Variants in SEMA6D observed in about 807,000 individuals in gnomAD.
SEMA6D encodes the protein semaphorin-6D.
In SEMA6D, 35 loss-of-function variants were observed where a neutral mutation model predicts 106.6. The observed-to-expected ratio is 0.33, with a 90% CI of 0.25 to 0.44. The LOEUF is 0.44. Among genes scored for constraint, SEMA6D ranks in the 20% least tolerant of loss-of-function variants. The pLI is 1.00. For missense variants in SEMA6D, 1,185 were observed against 1,345.9 expected (o/e 0.88, Z 1.87); for synonymous variants, 499 against 487.7 (o/e 1.02, Z -0.31).
At chr15:47,431,098 T>A (rs2041506904) in intron 2 of SEMA6D, among the ~76,000 whole-genome samples, 1 of 152,074 alleles carries the variant, frequency 6.6e-6, no homozygotes, top group Non-Finnish European at 1.5e-5. Flanking sequence ...TGAAATAAAT[T>A]TTTACTTTTG....
At chr15:47,343,654 C>T (rs1469025568) in intron 1 of SEMA6D, among the ~76,000 whole-genome samples, 1 of 152,098 alleles carries the variant, frequency 6.6e-6, no homozygotes, top group Non-Finnish European at 1.5e-5. Context: ...TCCAGTCTAT[C>T]ATTGTGGGAT....
chr15:47,498,033 G>A (rs1178971669), intron 3 of SEMA6D, among the ~76,000 whole-genome samples: 4 of 152,074 alleles, frequency 2.6e-5, no homozygotes. Flanking sequence ...TTCTCTTAAA[G>A]CATGGTTCCA....
chr15:47,277,746 A>G lies in SEMA6D; in HGVS notation c.-239+93328A>G, dbSNP rs916487567. ...CATCTAGCATTAGGTATATCTCCCA[A>G]TGCTATTCCTCCCCCCTCCCCACAC... On this transcript the variant is annotated intron_variant, in intron 1 of 19. Transcript: ENST00000558014. Among the ~76,000 whole-genome samples, 8 of 151,804 alleles carry G rather than the reference A, an allele frequency of 5.3e-5. No homozygotes were observed. The East Asian group carries it at 9.7e-4, about 18-fold the overall frequency.
chr15:47,649,260 C>G (rs1036267999), intron 4 of SEMA6D, among the ~76,000 whole-genome samples: 1 of 152,094 alleles, frequency 6.6e-6, no homozygotes, highest in Non-Finnish European at 1.5e-5. Flanking sequence ...AGAGACGCAT[C>G]TCAGATACAT....
At chr15:47,439,671 T>C (rs1458949325) in intron 2 of SEMA6D, among the ~76,000 whole-genome samples, 1 of 152,190 alleles carries the variant, frequency 6.6e-6, no homozygotes, top group African/African-American at 2.4e-5. Flanking sequence ...GACTAAGTGC[T>C]GATGCTATTC....
intron 3 of SEMA6D, among the ~76,000 whole-genome samples, chr15:47,538,268 C>T (rs1053469687): frequency 4.6e-5 from 7 of 152,152 alleles, no homozygotes; most frequent in African/African-American, 1.7e-4. Flanking sequence ...ATATTCTTCA[C>T]ATCTAGTAGT....
chr15:47,769,976 C>A (rs2082543581), intron 18 of SEMA6D, among the ~76,000 whole-genome samples: 1 of 151,768 alleles, frequency 6.6e-6, no homozygotes, highest in Non-Finnish European at 1.5e-5. Flanking sequence ...TAACAGTGAT[C>A]AAGCAGATAT....
chr15:47,498,505 G>A (rs2043744597), intron 3 of SEMA6D, among the ~76,000 whole-genome samples: 1 of 152,110 alleles, frequency 6.6e-6, no homozygotes, highest in African/African-American at 2.4e-5. Flanking sequence ...TGTTTAGAAT[G>A]AGGAATTTCA....
In SEMA6D at chr15:47,761,866, G is replaced by A. The variant is rs115792475; in HGVS notation, c.538+115G>A. The A allele has an allele frequency of 2.7e-3, 2,419 of 903,716 alleles. 42 individuals are homozygous for A. In the African/African-American group the frequency reaches 0.032, roughly 12 times the overall value. 56.0% of individuals were successfully genotyped at this position (903,716 alleles called of 1,614,324 possible). A position where few individuals can be genotyped will look rare whatever the true frequency, so the allele number is the denominator to read the frequency against. ...GATACCCACCTTGATCTAAGTGTTC[G>A]AAAGGCTAGAATCTATGCACAAATT... On this transcript the variant is annotated intron_variant, in intron 7 of 18. Coordinates refer to ENST00000536845, the MANE Select transcript of SEMA6D (RefSeq NM_001358351.3).
chr15:47,671,920 A>C (rs2078145218), intron 4 of SEMA6D, among the ~76,000 whole-genome samples: 1 of 152,186 alleles, frequency 6.6e-6, no homozygotes, highest in Non-Finnish European at 1.5e-5. Context: ...AAAATAACAA[A>C]TACTACTATT....
At chr15:47,755,440 G>A (rs979536282) in intron 1 of SEMA6D, among the ~76,000 whole-genome samples, 1 of 151,924 alleles carries the variant, frequency 6.6e-6, no homozygotes, top group African/African-American at 2.4e-5. Flanking sequence ...TGCAGTTTTT[G>A]GAATTTCTGA....
intron 1 of SEMA6D, among the ~76,000 whole-genome samples, chr15:47,733,352 G>A (rs1160843965): frequency 2.6e-5 from 4 of 152,096 alleles, no homozygotes; most frequent in Non-Finnish European, 2.9e-5. Context: ...AGGTAAGGAG[G>A]CTCCTTCTTT....
At chr15:47,671,008 G>GA (rs1425575057) in intron 4 of SEMA6D, among the ~76,000 whole-genome samples, 13 of 152,116 alleles carry the variant, frequency 8.5e-5, no homozygotes, top group Non-Finnish European at 1.3e-4. Context: ...ATAGAATACA[G>GA]AAAAAAATTG....
intron 1 of SEMA6D, among the ~76,000 whole-genome samples, chr15:47,731,934 C>T (rs919330152): frequency 1.3e-5 from 2 of 152,142 alleles, no homozygotes; most frequent in African/African-American, 2.4e-5. Context: ...TAGCCTTCAA[C>T]GTCAGACAGA....
chr15:47,662,270 G>T (rs554330903), intron 4 of SEMA6D, among the ~76,000 whole-genome samples: 1 of 151,630 alleles, frequency 6.6e-6, no homozygotes, highest in East Asian at 1.9e-4. Context: ...AATACTGTGC[G>T]TGTGGCTGTG....
In SEMA6D at chr15:47,773,670, T is replaced by A. The variant is rs1376430893; in HGVS notation, c.*1885T>A. On this transcript the variant is annotated 3_prime_UTR_variant, in exon 19 of 19. Transcript: ENST00000536845. ...CTTTTTTTTAAAGAACATTGTTTTA[T>A]AAAGAACGTGATTTCCAGTGATCTC... is the stretch of plus-strand genomic sequence containing the variant. The A allele has an allele frequency of 1.3e-5, 2 of 152,640 alleles. No individual in the cohort carries two copies. Among genetic ancestry groups the A allele is most frequent in the African/African-American group, 4.8e-5 (2 of 41,458 alleles). 9.5% of individuals were successfully genotyped at this position (152,640 alleles called of 1,614,324 possible).
intron 4 of SEMA6D, among the ~76,000 whole-genome samples, chr15:47,686,933 G>A (rs992391041): frequency 1.3e-5 from 2 of 151,754 alleles, no homozygotes; most frequent in African/African-American, 4.8e-5. Flanking sequence ...AAGAGGGATG[G>A]CTTGTACCTG....
chr15:47,772,040 A>C lies in SEMA6D; in HGVS notation c.*255A>C. On this transcript the variant is annotated 3_prime_UTR_variant, in exon 19 of 19. Transcript: ENST00000536845. ...TTTGTTTGAAGCTAAAGAGATGTGT[A>C]GCTCACAGGGGCTACCTTACCAGTA... 1 of 481,588 alleles carries C rather than the reference A, an allele frequency of 2.1e-6. No individual in the cohort carries two copies. Among genetic ancestry groups the C allele is most frequent in the Non-Finnish European group, 3.7e-6 (1 of 270,498 alleles). 29.8% of individuals were successfully genotyped at this position (481,588 alleles called of 1,614,324 possible).
At chr15:47,212,285 A>G (rs1445778655) in intron 1 of SEMA6D, among the ~76,000 whole-genome samples, 1 of 152,202 alleles carries the variant, frequency 6.6e-6, no homozygotes, top group East Asian at 1.9e-4. Flanking sequence ...ACTGACTGCT[A>G]TTGGGTGGTA....
Sources: gnomAD v4.1 joint callset for allele counts (sites outside exome capture counted in the v4.1 genomes callset) on GRCh38, gnomAD v4.1.1 for gene constraint, MANE v1.5 for transcripts, NCBI Gene and HGNC (gene_info 2026-07-23, HGNC 2026-07-21) for gene names.